The following MKI67 variants were observed in gnomAD, a reference collection of about 807,000 sequenced individuals.
The protein encoded by MKI67 is proliferation marker protein Ki-67.
MKI67 carries 152 observed loss-of-function variants against 233.5 expected under a neutral mutation model. That is an observed-to-expected ratio of 0.65 (90% CI 0.57 to 0.74). The LOEUF (loss-of-function observed/expected upper bound fraction) is 0.74. Ranked by LOEUF, MKI67 falls within the 30% of genes least tolerant of loss-of-function variation. The probability of loss-of-function intolerance (pLI) is 0.00; values close to 1 mark genes in which losing one functional copy is unlikely to be tolerated. For synonymous variants in MKI67, 1,465 were observed against 1,418.5 expected, an observed-to-expected ratio of 1.03 and a Z score of -0.74; for missense variants, 3,940 against 3,885.2, an observed-to-expected ratio of 1.01 and a Z score of -0.37.
At chr10:128,118,395 C>CAA (rs1852851501) in intron 5 of MKI67, among the ~76,000 whole-genome samples, 1 of 92,152 alleles carries the variant, frequency 1.1e-5, no homozygotes, top group Admixed American at 1.4e-4. Flanking sequence ...GACTCCGTCT[C>CAA]AGAAAAAAAA....
At position 128,109,061 on chromosome 10, in the gene MKI67, T is replaced by G; in HGVS notation, c.2779A>C (p.Arg927=). The part of the protein sequence containing the change: ...RREGEMKEIE[R]PFETYKENIE... ...TTTTCCTTATATGTCTCAAAAGGTC[T>G]TTCTATTTCCTTCATCTCTCCTTCT... The change falls in exon 13 of 15, where the codon AGA becomes CGA. Residue 927 remains arginine (R), a synonymous_variant. Coordinates refer to ENST00000368654, the MANE Select transcript of MKI67 (RefSeq NM_002417.5). 1 of 1,614,228 alleles carries G rather than the reference T, an allele frequency of 6.2e-7. No individual in the cohort carries two copies. Among genetic ancestry groups the G allele is most frequent in the South Asian group, 1.1e-5 (1 of 91,082 alleles).
In MKI67 at chr10:128,105,487, C is replaced by A. The variant is rs367974749; in HGVS notation, c.6353G>T (p.Arg2118Met). The A allele has an allele frequency of 6.2e-7, 1 of 1,613,562 alleles. No individual in the cohort carries two copies. The highest frequency in any genetic ancestry group is 8.5e-7 in the Non-Finnish European group (1 of 1,179,918). ...CCCCAAAGGTGTTTTGGGCCGCCTC[C>A]TTGTGCTTGTTGGAGTGTCCATTGA... is the stretch of plus-strand genomic sequence containing the variant. ...PESMDTPTST[R>M]RRPKTPLGKR... is the part of the protein sequence containing the mutation. The change falls in exon 13 of 15, where the codon AGG becomes ATG. Residue 2118 changes from arginine to methionine, a missense_variant. By Grantham distance (91) the Arg-to-Met change is moderately conservative. Transcript: ENST00000368654.
rs375783621 is a variant in MKI67 at position 128,105,741 on chromosome 10, T to C, written c.6099A>G (p.Ala2033=). 14 of 1,614,096 alleles carry C rather than the reference T, an allele frequency of 8.7e-6. No individual in the cohort carries two copies. Among genetic ancestry groups the C allele is most frequent in the Non-Finnish European group, 1.2e-5 (14 of 1,180,060 alleles). ...GKTTQTHRET[A]GDGKSIKAFK... ...ACGCTTTGATGCTCTTTCCATCTCCTGCTGTCTCTCTGTGTGTCTGTGTGG... is the reference window on the plus strand; with the variant it reads ...ACGCTTTGATGCTCTTTCCATCTCCCGCTGTCTCTCTGTGTGTCTGTGTGG... Residue 2033 remains alanine, a synonymous_variant, in exon 13 of 15, where the codon GCA becomes GCG. Coordinates refer to ENST00000368654, the MANE Select transcript of MKI67 (RefSeq NM_002417.5).
intron 2 of MKI67, among the ~76,000 whole-genome samples, chr10:128,123,865 T>C (rs978067024): frequency 6.6e-6 from 1 of 152,244 alleles, no homozygotes; most frequent in South Asian, 2.1e-4. Flanking sequence ...CATGGCAAAG[T>C]AGCAGAAGAG....
In MKI67 at chr10:128,114,861, A is replaced by G. The variant is rs1046504379; in HGVS notation, c.1480+67T>C. On this transcript the variant is annotated intron_variant, in intron 7 of 14. Transcript: ENST00000368654. ...AAGCTAATCACTACTGAAAGAATGA[A>G]GGTCTCACAGCTACATAGAAGGTGT... 2.9e-6 allele frequency: 4 copies of G among 1,394,386 alleles called. No homozygotes were observed. In the African/African-American group the frequency reaches 5.8e-5, roughly 20 times the overall value. 86.4% of individuals were successfully genotyped at this position (1,394,386 alleles called of 1,614,324 possible). A position where few individuals can be genotyped will look rare whatever the true frequency, so the allele number is the denominator to read the frequency against.
rs372328060 is a variant in MKI67, at chr10:128,103,194, C to T, written c.8646G>A (p.Thr2882=). The change falls in exon 13 of 15, where the codon ACG becomes ACA. Residue 2882 remains threonine (T), a synonymous_variant. Transcript: ENST00000368654. ...GCTTTGCAGGTTGCTTAAATGCTTT[C>T]GTGCCTTTGCCCTCACCTACCGGCT... The part of the protein sequence containing the change: ...DKEPVGEGKG[T]KAFKQPAKRK... 3.8e-5 allele frequency: 62 copies of T among 1,612,866 alleles called. No homozygotes were observed. Among genetic ancestry groups the T allele is most frequent in the African/African-American group, 1.1e-4 (8 of 74,494 alleles).
Position 128,115,889 on chromosome 10 carries a change from G to A in MKI67, c.519C>T (p.Asp173=), listed in dbSNP as rs1320370337. ...KEDSTADDSK[D]SVAQGTTNVH... Reference sequence around the variant, plus strand: ...CATTAGTTGTTCCCTGAGCAACACTGTCTTTTGAGTCATCTGCGGTACTGT... The same window carrying A: ...CATTAGTTGTTCCCTGAGCAACACTATCTTTTGAGTCATCTGCGGTACTGT... Residue 173 remains aspartate, a synonymous_variant, in exon 7 of 15, where the codon GAC becomes GAT. Transcript: ENST00000368654. 6.2e-7 allele frequency: 1 copy of A among 1,609,678 alleles called. No individual in the cohort carries two copies. The highest frequency in any genetic ancestry group is 1.1e-5 in the South Asian group (1 of 91,080).
rs773522746 is a variant in MKI67 at position 128,105,159 on chromosome 10, G to C, written c.6681C>G (p.Asp2227Glu). 4.3e-6 allele frequency: 7 copies of C among 1,613,210 alleles called. No individual in the cohort carries two copies. Among genetic ancestry groups the C allele is most frequent in the Admixed American group, 1.7e-5 (1 of 59,882 alleles). ...TKIACRSPQP[D>E]PVGTPTIFKP... ...TGAAGATTGTTGGGGTACCCACTGG[G>C]TCTGGTTGTGGAGATCTGCAGGCTA... is the stretch of plus-strand genomic sequence containing the variant. The change falls in exon 13 of 15, where the codon GAC becomes GAG. Residue 2227 changes from aspartate (D) to glutamate (E), a missense_variant. By Grantham distance (45) the Asp-to-Glu change is conservative (BLOSUM62 2). Transcript: ENST00000368654.
intron 13 of MKI67, 150 bp downstream of exon 13, chr10:128,102,429 C>G: frequency 1.0e-6 from 1 of 956,550 alleles, no homozygotes. Flanking sequence ...CAAGAAGATT[C>G]TTTACCATGG....
rs778093982 is a variant in MKI67 at position 128,113,567 on chromosome 10, C to T, written c.1516G>A (p.Val506Met). Residue 506 changes from valine (V) to methionine (M), a missense_variant, in exon 8 of 15, where the codon GTG becomes ATG. By Grantham distance (21) the Val-to-Met change is conservative. Coordinates refer to ENST00000368654, the MANE Select transcript of MKI67 (RefSeq NM_002417.5). Reference protein sequence around the residue: ...SEGIPLKRRRVSFGGHLRPEL... With the variant: ...SEGIPLKRRRMSFGGHLRPEL... ...GGTCTTAGGTGCCCACCAAAGGACA[C>T]ACGCCTTCTTTTCAAAGGTATTCCC... is the stretch of plus-strand genomic sequence containing the variant. 2 of 1,614,172 alleles carry T rather than the reference C, an allele frequency of 1.2e-6. No homozygotes were observed. Among genetic ancestry groups the T allele is most frequent in the Non-Finnish European group, 1.7e-6 (2 of 1,180,010 alleles).
chr10:128,116,534 C>T lies in MKI67; in HGVS notation c.357G>A (p.Glu119=), dbSNP rs758007988. ...TAGATCTTGAGACACGACGTGCTGG[C>T]TCCTGTAAGTTGGGAAAATAAGAAC... ...TEFPRKIREQ[E]PARRVSRSSF... The change falls in exon 6 of 15, where the codon GAG becomes GAA. Residue 119 remains glutamate (E), a splice_region_variant and synonymous_variant. Transcript: ENST00000368654. 1 of 1,613,890 alleles carries T rather than the reference C, an allele frequency of 6.2e-7. No individual in the cohort carries two copies. The highest frequency in any genetic ancestry group is 1.7e-5 in the Admixed American group (1 of 60,022).
chr10:128,102,138 T>G (rs1453025429), intron 13 of MKI67, among the ~76,000 whole-genome samples: 1 of 152,220 alleles, frequency 6.6e-6, no homozygotes, highest in Non-Finnish European at 1.5e-5. Context: ...AGCCTCTCTA[T>G]CTAACAGTCC....
rs1383462477 is a variant in MKI67, at chr10:128,113,483, T to C, written c.1600A>G (p.Thr534Ala). ...TGCATTACCAGAGACTTTCTTTTGG[T>C]TGGGGCTTCTCCCCTTTTGAGAGGC... ...NTPLKRGEAP[T>A]KRKSLVMHTP... Residue 534 changes from threonine (T) to alanine (A), a missense_variant, in exon 8 of 15, where the codon ACC becomes GCC. Coordinates refer to ENST00000368654, the MANE Select transcript of MKI67 (RefSeq NM_002417.5). The C allele has an allele frequency of 2.5e-6, 4 of 1,614,220 alleles. No individual in the cohort carries two copies. Among genetic ancestry groups the C allele is most frequent in the South Asian group, 1.1e-5 (1 of 91,084 alleles).
chr10:128,123,476 C>T (rs951015684), intron 2 of MKI67, among the ~76,000 whole-genome samples: 2 of 152,134 alleles, frequency 1.3e-5, no homozygotes, highest in African/African-American at 4.8e-5. Context: ...ATACTTACAT[C>T]AATTTTGGAT....
chr10:128,106,926 C>T lies in MKI67; in HGVS notation c.4914G>A (p.Gly1638=), dbSNP rs1184878504. 6.2e-7 allele frequency: 1 copy of T among 1,614,148 alleles called. No individual in the cohort carries two copies. Among genetic ancestry groups the T allele is most frequent in the Non-Finnish European group, 8.5e-7 (1 of 1,180,032 alleles). ...SSKRRLKTSL[G]KVGVKEELLA... is the part of the protein sequence containing the mutation. ...GGAGCTCTTCTTTCACGCCCACTTT[C>T]CCCAGGGATGTCTTGAGCCGTCGCT... Residue 1638 remains glycine (G), a synonymous_variant, in exon 13 of 15, where the codon GGG becomes GGA. Coordinates refer to ENST00000368654, the MANE Select transcript of MKI67 (RefSeq NM_002417.5).
intron 4 of MKI67, 60 bp from the exon 5 acceptor site, chr10:128,119,379 T>C: frequency 8.5e-7 from 1 of 1,170,858 alleles, no homozygotes; most frequent in Non-Finnish European, 1.3e-6. Context: ...GGCGGAAGTC[T>C]CCATATCCAC....
Position 128,101,711 on chromosome 10 carries a change from T to C in MKI67, c.9262-10A>G. Reference sequence around the variant, plus strand: ...AGCGCAGGGATATTCCCTAAAGAAATGAGAAGACATCCACAAAATTCCAAT... The same window carrying C: ...AGCGCAGGGATATTCCCTAAAGAAACGAGAAGACATCCACAAAATTCCAAT... On this transcript the variant is annotated splice_polypyrimidine_tract_variant and intron_variant, in intron 13 of 14. Coordinates refer to ENST00000368654, the MANE Select transcript of MKI67 (RefSeq NM_002417.5). The C allele has an allele frequency of 6.4e-7, 1 of 1,558,820 alleles. No homozygotes were observed. Among genetic ancestry groups the C allele is most frequent in the Non-Finnish European group, 8.6e-7 (1 of 1,156,658 alleles).
intron 8 of MKI67, 123 bp from the exon 9 acceptor site, chr10:128,112,568 G>GCCA: frequency 2.1e-6 from 2 of 948,446 alleles, no homozygotes; most frequent in Non-Finnish European, 3.2e-6. Context: ...AAATGCTTAA[G>GCCA]CCACTGTCTT....
rs146439186 is a variant in MKI67, at chr10:128,103,867, T to C, written c.7973A>G (p.Glu2658Gly). The change falls in exon 13 of 15, where the codon GAA becomes GGA. Residue 2658 changes from glutamate to glycine, a missense_variant. Coordinates refer to ENST00000368654, the MANE Select transcript of MKI67 (RefSeq NM_002417.5). ...QRAKKKPNPVEEEPSRRRPRA... is the reference protein window; with the variant it reads ...QRAKKKPNPVGEEPSRRRPRA... ...TGGCCTTCTCCTGCTGGGTTCCTCTTCTACTGGGTTTGGTTTCTTCTTTGC... is the reference window on the plus strand; with the variant it reads ...TGGCCTTCTCCTGCTGGGTTCCTCTCCTACTGGGTTTGGTTTCTTCTTTGC... The C allele has an allele frequency of 2.1e-3, 3,309 of 1,613,942 alleles. 4 individuals carry two copies. The highest frequency in any genetic ancestry group is 2.5e-3 in the Non-Finnish European group (2,993 of 1,179,992).
Sources: gnomAD v4.1 joint callset for allele counts (sites outside exome capture counted in the v4.1 genomes callset) on GRCh38, gnomAD v4.1.1 for gene constraint, MANE v1.5 for transcripts, NCBI Gene and HGNC (gene_info 2026-07-23, HGNC 2026-07-21) for gene names.